The following ABL2 variants were observed in gnomAD, a reference collection of about 807,000 sequenced individuals.
The protein encoded by ABL2 is ABL proto-oncogene 2, non-receptor tyrosine kinase.
In ABL2, 49 loss-of-function variants were observed where a neutral mutation model predicts 107.7. That is an observed-to-expected ratio of 0.45 (90% CI 0.36 to 0.58). The LOEUF (loss-of-function observed/expected upper bound fraction) is 0.58, where lower values mean the gene tolerates loss of function less well. ABL2 is among the 20% of genes least tolerant of loss of function. The pLI is 0.00. For missense variants in ABL2, 1,245 were observed against 1,457.0 expected (o/e 0.85, Z 2.37); for synonymous variants, 549 against 548.6 (o/e 1.00, Z -0.01).
At chr1:179,121,536 C>A in intron 5 of ABL2, 59 bp downstream of exon 5, 2 of 1,569,390 alleles carry the variant, frequency 1.3e-6, no homozygotes, top group Non-Finnish European at 8.7e-7. Flanking sequence ...GCTGATATTT[C>A]CAAGTGATTG....
intron 1 of ABL2, among the ~76,000 whole-genome samples, chr1:179,164,315 T>C (rs111530997): frequency 0.026 from 3,932 of 152,300 alleles, 131 homozygotes; most frequent in Admixed American, 0.065. Flanking sequence ...ATAGTTATTA[T>C]TGAATAACTA....
At chr1:179,178,846 G>A (rs769186914) in intron 1 of ABL2, among the ~76,000 whole-genome samples, 19 of 151,958 alleles carry the variant, frequency 1.3e-4, no homozygotes, top group Non-Finnish European at 1.8e-4. Flanking sequence ...GCAGTGAGTT[G>A]AGGAGCCATG....
intron 4 of ABL2, among the ~76,000 whole-genome samples, chr1:179,122,839 T>A (rs775453899): frequency 2.0e-5 from 3 of 151,966 alleles, no homozygotes; most frequent in Non-Finnish European, 2.9e-5. Flanking sequence ...TTTGTATTTT[T>A]AGTAGAGATG....
chr1:179,133,663 A>G (rs1205253689), intron 1 of ABL2, among the ~76,000 whole-genome samples: 1 of 152,186 alleles, frequency 6.6e-6, no homozygotes, highest in Non-Finnish European at 1.5e-5. Flanking sequence ...ACTCAGCTCC[A>G]ATATATAGTA....
At chr1:179,224,980 C>T (rs979521451) in intron 1 of ABL2, among the ~76,000 whole-genome samples, 5 of 152,054 alleles carry the variant, frequency 3.3e-5, no homozygotes, top group Middle Eastern at 3.2e-3. Context: ...GATCTACGAT[C>T]GCAGCACTGC....
chr1:179,108,903 G>A lies in ABL2; in HGVS notation c.2364C>T (p.Ser788=). Residue 788 remains serine (S), a synonymous_variant, in exon 12 of 12, where the codon TCC becomes TCT. Transcript: ENST00000502732. ...TCCTATCCTGCTCTGGAAGCCCTGA[G>A]GACATGGAAGATGTAGAGTTTGACC... ...FPRSNSTSSM[S]SGLPEQDRMA... 1 of 1,614,186 alleles carries A rather than the reference G, an allele frequency of 6.2e-7. No individual in the cohort carries two copies. The highest frequency in any genetic ancestry group is 8.5e-7 in the Non-Finnish European group (1 of 1,180,036).
At chr1:179,144,414 C>G (rs1282987108) in intron 1 of ABL2, among the ~76,000 whole-genome samples, 1 of 151,968 alleles carries the variant, frequency 6.6e-6, no homozygotes, top group Admixed American at 6.6e-5. Flanking sequence ...GAGCCAAGAT[C>G]GCGCCACTGC....
At chr1:179,193,426 CAG>C (rs879376130) in intron 1 of ABL2, among the ~76,000 whole-genome samples, 1 of 151,406 alleles carries the variant, frequency 6.6e-6, no homozygotes, top group Non-Finnish European at 1.5e-5. Flanking sequence ...TTTTTTGAGA[CAG>C]AGTCTCATTC....
At chr1:179,208,495 T>A (rs1210847915) in intron 1 of ABL2, among the ~76,000 whole-genome samples, 3 of 152,240 alleles carry the variant, frequency 2.0e-5, no homozygotes, top group Non-Finnish European at 4.4e-5. Flanking sequence ...TTCTTTTTTA[T>A]GGCTGCATGT....
At position 179,110,429 on chromosome 1, in the gene ABL2, C is replaced by T. The variant is rs1315040195; in HGVS notation, c.1678G>A (p.Ala560Thr). Residue 560 changes from alanine to threonine, a missense_variant, in exon 11 of 12, where the codon GCC becomes ACC. Transcript: ENST00000502732. Reference sequence around the variant, plus strand: ...TATGGAACAACAGATGACGAGGAGGCGGCTCTCCCAAGCTCCTCAGCTACC... The same window carrying T: ...TATGGAACAACAGATGACGAGGAGGTGGCTCTCCCAAGCTCCTCAGCTACC... ...EEVAEELGRAASSSSVVPYLP... is the reference protein window; with the variant it reads ...EEVAEELGRATSSSSVVPYLP... 3.1e-6 allele frequency: 5 copies of T among 1,613,580 alleles called. No homozygotes were observed. The highest frequency in any genetic ancestry group is 2.2e-5 in the East Asian group (1 of 44,876).
At chr1:179,147,644 GT>G (rs1195988263) in intron 1 of ABL2, among the ~76,000 whole-genome samples, 2 of 152,180 alleles carry the variant, frequency 1.3e-5, no homozygotes, top group African/African-American at 4.8e-5. Context: ...TGTTCTCATT[GT>G]AAGCGGGAGC....
chr1:179,171,523 C>G (rs1273919318), intron 1 of ABL2, among the ~76,000 whole-genome samples: 2 of 152,162 alleles, frequency 1.3e-5, no homozygotes, highest in Non-Finnish European at 2.9e-5. Flanking sequence ...GACACAGGGT[C>G]TCACTGTCAC....
At chr1:179,124,220 G>A (rs887829064) in intron 4 of ABL2, among the ~76,000 whole-genome samples, 2 of 150,282 alleles carry the variant, frequency 1.3e-5, no homozygotes, top group Non-Finnish European at 3.0e-5. Context: ...CAGCCGGGGC[G>A]ACACAGCAAG....
Position 179,131,328 on chromosome 1 carries a change from G to T in ABL2, c.374C>A (p.Thr125Lys), listed in dbSNP as rs749851427. The T allele has an allele frequency of 1.2e-6, 2 of 1,613,998 alleles. No individual in the cohort carries two copies. The highest frequency in any genetic ancestry group is 3.3e-5 in the Admixed American group (2 of 60,022). ...LYDFVASGDNTLSITKGEKLR... is the reference protein window; with the variant it reads ...LYDFVASGDNKLSITKGEKLR... ...AGCCTCACCTTTAGTGATGCTGAGT[G>T]TGTTATCACCACTTGCTACAAAATC... The change falls in exon 3 of 12, where the codon ACA becomes AAA. Residue 125 changes from threonine (T) to lysine (K), a missense_variant. Coordinates refer to ENST00000502732, the MANE Select transcript of ABL2 (RefSeq NM_007314.4).
chr1:179,134,742 G>GCCCTCTCCCTCTTTCCACGGTCT (rs1212921530), intron 1 of ABL2, among the ~76,000 whole-genome samples: 233 of 151,672 alleles, frequency 1.5e-3, no homozygotes, highest in Middle Eastern at 6.8e-3. Context: ...CTCCACGGTC[G>GCCCTCTCCCTCTTTCCACGGTCT]CCCTCTCCCT....
chr1:179,141,496 T>G (rs1657586597), intron 1 of ABL2, among the ~76,000 whole-genome samples: 1 of 152,148 alleles, frequency 6.6e-6, no homozygotes, highest in African/African-American at 2.4e-5. Context: ...TTATGTAAAT[T>G]TAGAAGATAT....
chr1:179,229,443 T>C lies in ABL2; in HGVS notation c.-46A>G, dbSNP rs1166758395. On this transcript the variant is annotated 5_prime_UTR_variant, in exon 1 of 12. An upstream start codon of the reference 5' UTR is lost. Coordinates refer to ENST00000502732, the MANE Select transcript of ABL2 (RefSeq NM_007314.4). The stretch of plus-strand genomic sequence containing the variant: ...GCGCCCCCGCCGACCCCTGGTCACA[T>C]TCCTCCTCGGCTCCGGCCTCGGGCT... 1.4e-6 allele frequency: 2 copies of C among 1,450,644 alleles called. No individual in the cohort carries two copies. Among genetic ancestry groups the C allele is most frequent in the Admixed American group, 2.6e-5 (1 of 39,134 alleles). The allele number at this position is 1,450,644 out of a possible 1,614,324, so 89.9% of individuals were successfully genotyped here.
chr1:179,198,123 G>A (rs1661429121), intron 1 of ABL2, among the ~76,000 whole-genome samples: 1 of 145,186 alleles, frequency 6.9e-6, no homozygotes, highest in Admixed American at 7.0e-5. Context: ...GCAACGAGTT[G>A]TGCCACGCCA....
At position 179,126,805 on chromosome 1, in the gene ABL2, T is replaced by A. The variant is rs192668175; in HGVS notation, c.392-133A>T. The A allele has an allele frequency of 2.0e-3, 1,923 of 966,438 alleles. 20 individuals are homozygous for A. The African/African-American group carries it at 0.026, about 13-fold the overall frequency. 59.9% of individuals were successfully genotyped at this position (966,438 alleles called of 1,614,324 possible). The stretch of plus-strand genomic sequence containing the variant: ...GAACTTTTATGCCAAATTTTTTTTT[T>A]AAATAATGAAAACAAACTTGGCTGT... On this transcript the variant is annotated intron_variant, in intron 3 of 11. Transcript: ENST00000502732. The surrounding 1 kb of genome is among the most constrained non-coding windows in gnomAD (Gnocchi z 4.4).
Sources: gnomAD v4.1 joint callset for allele counts (sites outside exome capture counted in the v4.1 genomes callset) on GRCh38, gnomAD v4.1.1 for gene constraint, Gnocchi (gnomAD v3.1) non-coding constraint, MANE v1.5 for transcripts, NCBI Gene and HGNC (gene_info 2026-07-23, HGNC 2026-07-21) for gene names.